The following ARHGAP26 variants were observed in gnomAD, a reference collection of about 807,000 sequenced individuals.
ARHGAP26 encodes the protein rho GTPase-activating protein 26.
A neutral mutation model predicts 104.8 loss-of-function variants in ARHGAP26; 38 were observed. The ratio of observed to expected loss-of-function variants is 0.36; its 90% CI spans 0.28 to 0.48. ARHGAP26 has a LOEUF of 0.48. Ranked by LOEUF, ARHGAP26 falls within the 20% of genes least tolerant of loss-of-function variation. The pLI is 0.99. For synonymous variants in ARHGAP26, 341 were observed against 340.0 expected, an observed-to-expected ratio of 1.00 and a Z score of -0.03; for missense variants, 704 against 947.9, an observed-to-expected ratio of 0.74 and a Z score of 3.38.
chr5:142,995,010 T>A (rs919092546), intron 11 of ARHGAP26, among the ~76,000 whole-genome samples: 1 of 152,120 alleles, frequency 6.6e-6, no homozygotes, highest in African/African-American at 2.4e-5. Flanking sequence ...ATACAAAAAT[T>A]AACTCCAGAT....
At chr5:142,907,308 C>T (rs532063941) in intron 8 of ARHGAP26, 85 of 154,100 alleles carry the variant, frequency 5.5e-4, no homozygotes, top group Non-Finnish European at 1.1e-3. Flanking sequence ...TGGTCACAAG[C>T]GCTTGGAGGA....
chr5:143,123,772 C>T (rs1796402875), intron 18 of ARHGAP26, among the ~76,000 whole-genome samples: 2 of 152,208 alleles, frequency 1.3e-5, no homozygotes, highest in African/African-American at 2.4e-5. Flanking sequence ...GGGAGGATCA[C>T]TTGAGCCCAG....
At chr5:142,960,491 A>C (rs1270833827) in intron 11 of ARHGAP26, among the ~76,000 whole-genome samples, 8 of 152,262 alleles carry the variant, frequency 5.3e-5, no homozygotes, top group African/African-American at 1.9e-4. Context: ...CCCTTTGTCC[A>C]GTGCTGTCTA....
rs1811378731 is a variant in ARHGAP26, at chr5:143,222,948, C to T, written c.*502C>T. 1 of 233,344 alleles carries T rather than the reference C, an allele frequency of 4.3e-6. No homozygotes were observed. The highest frequency in any genetic ancestry group is 8.5e-6 in the Non-Finnish European group (1 of 117,916). 14.5% of individuals were successfully genotyped at this position (233,344 alleles called of 1,614,324 possible). On this transcript the variant is annotated 3_prime_UTR_variant, in exon 23 of 23. Coordinates refer to ENST00000645722, the MANE Select transcript of ARHGAP26 (RefSeq NM_001135608.3). ...TTGAGACTTAAAGTGCTACAGGCAG[C>T]TGGATCTGTTTGCATGCAGGATGAA...
chr5:142,906,875 AT>A (rs145216282), intron 8 of ARHGAP26, among the ~76,000 whole-genome samples: 5,403 of 148,628 alleles, frequency 0.036, 102 homozygotes, highest in Middle Eastern at 0.063. Flanking sequence ...TGTTTAAACA[AT>A]TTTTTTTTTT....
chr5:142,881,566 G>A (rs1333125474), intron 4 of ARHGAP26, among the ~76,000 whole-genome samples: 1 of 152,036 alleles, frequency 6.6e-6, no homozygotes, highest in Admixed American at 6.6e-5. Context: ...ATAACTTTTG[G>A]ATGATCACTA....
chr5:143,147,467 T>C, intron 20 of ARHGAP26, 86 bp downstream of exon 20: 1 of 1,464,450 alleles, frequency 6.8e-7, no homozygotes, highest in Middle Eastern at 2.0e-4. Flanking sequence ...CATCTGACTT[T>C]GGACCATTAT....
At chr5:142,945,958 G>A (rs1598343870) in intron 11 of ARHGAP26, among the ~76,000 whole-genome samples, 1 of 152,282 alleles carries the variant, frequency 6.6e-6, no homozygotes, top group Non-Finnish European at 1.5e-5. Flanking sequence ...GGAACAGTTA[G>A]AGGCTTGGCT....
At chr5:142,908,948 C>T (rs1376656588) in intron 9 of ARHGAP26, 1 of 166,660 alleles carries the variant, frequency 6.0e-6, no homozygotes, top group Non-Finnish European at 1.5e-5. Context: ...CCTGTCTTTT[C>T]TCTTTGCTCC....
At chr5:142,851,914 G>A (rs1427565725) in intron 1 of ARHGAP26, among the ~76,000 whole-genome samples, 1 of 152,170 alleles carries the variant, frequency 6.6e-6, no homozygotes, top group Non-Finnish European at 1.5e-5. Context: ...GGTTATTCAT[G>A]GAGTCTGGCT....
intron 14 of ARHGAP26, among the ~76,000 whole-genome samples, chr5:143,046,429 T>C (rs1251765532): frequency 6.6e-6 from 1 of 152,244 alleles, no homozygotes; most frequent in African/African-American, 2.4e-5. Context: ...GCCAGTGCTT[T>C]GAGAATGTCT....
intron 20 of ARHGAP26, among the ~76,000 whole-genome samples, chr5:143,180,125 C>CT (rs1307801415): frequency 1.3e-4 from 20 of 151,956 alleles, no homozygotes; most frequent in South Asian, 4.2e-4. Context: ...AATTCTCTCT[C>CT]TTTTTTTTGT....
chr5:143,130,833 C>T (rs1381497121), intron 18 of ARHGAP26, among the ~76,000 whole-genome samples: 2 of 152,216 alleles, frequency 1.3e-5, no homozygotes, highest in Non-Finnish European at 2.9e-5. Context: ...AAGTTTGTGT[C>T]GTCTGCCCTG....
At chr5:142,865,478 GTTTTTTTTTTTT>G (rs35950662) in intron 1 of ARHGAP26, among the ~76,000 whole-genome samples, 11 of 117,230 alleles carry the variant, frequency 9.4e-5, no homozygotes, top group Non-Finnish European at 1.4e-4. Flanking sequence ...ACACGGAGAA[GTTTTTTTTTTTT>G]TTTTTTTTTT....
intron 11 of ARHGAP26, among the ~76,000 whole-genome samples, chr5:142,963,554 T>C (rs1052188059): frequency 6.6e-6 from 1 of 152,128 alleles, no homozygotes; most frequent in Admixed American, 6.5e-5. Context: ...GCTTAACTCT[T>C]AATATCTAAA....
At chr5:142,997,922 G>T (rs1776638422) in intron 11 of ARHGAP26, among the ~76,000 whole-genome samples, 1 of 152,190 alleles carries the variant, frequency 6.6e-6, no homozygotes, top group Admixed American at 6.5e-5. Context: ...AATGCAGATG[G>T]ATATGAGCTC....
chr5:143,226,685 TAATGTCTG>T lies in ARHGAP26; in HGVS notation c.*4242_*4249del. The T allele has an allele frequency of 4.6e-6, 1 of 215,206 alleles. No homozygotes were observed. The highest frequency in any genetic ancestry group is 9.4e-6 in the Non-Finnish European group (1 of 106,740). The allele number at this position is 215,206 out of a possible 1,614,324, so 13.3% of individuals were successfully genotyped here. On this transcript the variant is annotated 3_prime_UTR_variant, in exon 23 of 23. Transcript: ENST00000645722. Reference sequence around the variant, plus strand: ...CTAGAATTGGAGCCAGTCTTTAGCTTAATGTCTGAAGTATTTATACGGCCAATATGTGT... The same window carrying T: ...CTAGAATTGGAGCCAGTCTTTAGCTTAAGTATTTATACGGCCAATATGTGT...
chr5:143,008,148 T>C (rs1277493766), intron 11 of ARHGAP26, among the ~76,000 whole-genome samples: 1 of 152,282 alleles, frequency 6.6e-6, no homozygotes, highest in Non-Finnish European at 1.5e-5. Flanking sequence ...CATTCAGTGC[T>C]GTGTTGAATA....
At chr5:143,050,050 G>C (rs898622887) in intron 14 of ARHGAP26, among the ~76,000 whole-genome samples, 1 of 152,222 alleles carries the variant, frequency 6.6e-6, no homozygotes, top group African/African-American at 2.4e-5. Flanking sequence ...CTGGAGTGGG[G>C]TTGGGGGGTT....
Sources: gnomAD v4.1 joint callset for allele counts (sites outside exome capture counted in the v4.1 genomes callset) on GRCh38, gnomAD v4.1.1 for gene constraint, MANE v1.5 for transcripts, NCBI Gene and HGNC (gene_info 2026-07-23, HGNC 2026-07-21) for gene names.